The following SGCB variants were observed in gnomAD, a reference collection of about 807,000 sequenced individuals.
SGCB encodes beta-sarcoglycan.
Under a neutral mutation model 27.3 loss-of-function variants are expected in SGCB, and 25 were observed. The observed-to-expected ratio is 0.92, with a 90% CI of 0.67 to 1.28. The LOEUF (loss-of-function observed/expected upper bound fraction) is 1.28. Ranked by LOEUF, SGCB falls within the 50% of genes most tolerant of loss-of-function variation. The pLI is 0.00. For synonymous variants in SGCB, 147 were observed against 133.5 expected (o/e 1.10, Z -0.70); for missense variants, 436 against 402.1 (o/e 1.08, Z -0.72).
At chr4:52,038,181 G>A (rs1737450226) in intron 1 of SGCB, 46 bp downstream of exon 1, 2 of 1,194,876 alleles carry the variant, frequency 1.7e-6, no homozygotes, top group Non-Finnish European at 2.1e-6. Flanking sequence ...GCAGGACGCG[G>A]CCTCCCCCGC....
chr4:52,026,030 G>T (rs1737083716), intron 5 of SGCB, among the ~76,000 whole-genome samples: 1 of 152,134 alleles, frequency 6.6e-6, no homozygotes, highest in Non-Finnish European at 1.5e-5. Flanking sequence ...CAGAGGAGAG[G>T]TTAAAGCACA....
intron 4 of SGCB, 41 bp from the exon 5 acceptor site, chr4:52,028,140 T>G: frequency 6.7e-7 from 1 of 1,489,790 alleles, no homozygotes; most frequent in East Asian, 2.3e-5. Context: ...AGTTTCTAAA[T>G]TAATGTGAGA....
chr4:52,032,272 A>G (rs992199072), intron 2 of SGCB, among the ~76,000 whole-genome samples: 1 of 152,132 alleles, frequency 6.6e-6, no homozygotes, highest in Non-Finnish European at 1.5e-5. Context: ...TCTAATTCCC[A>G]AGGCTTTTTA....
In SGCB at chr4:52,029,717, C is replaced by G; in HGVS notation, c.390G>C (p.Arg130Ser). ...HPLYKSTVGG[R>S]RNENLVITGN... ...CAGTGATGACCAAATTTTCATTTCG[C>G]CTTCCTCCTACTGTGCTTTTATAAA... The change falls in exon 3 of 6, where the codon AGG becomes AGC. Residue 130 changes from arginine (R) to serine (S), a missense_variant. Coordinates refer to ENST00000381431, the MANE Select transcript of SGCB (RefSeq NM_000232.5). 2 of 1,613,844 alleles carry G rather than the reference C, an allele frequency of 1.2e-6. No homozygotes were observed. Among genetic ancestry groups the G allele is most frequent in the Non-Finnish European group, 1.7e-6 (2 of 1,179,828 alleles).
chr4:52,035,606 T>C (rs1224984287), intron 1 of SGCB, among the ~76,000 whole-genome samples: 1 of 152,154 alleles, frequency 6.6e-6, no homozygotes, highest in East Asian at 1.9e-4. Context: ...GTTAAAGGTG[T>C]GGGCATTTGT....
chr4:52,038,144 C>A, intron 1 of SGCB, 83 bp downstream of exon 1: 2 of 1,137,282 alleles, frequency 1.8e-6, no homozygotes, highest in South Asian at 4.2e-5. Flanking sequence ...CCCGCACCCC[C>A]GGCCAGGGCT....
chr4:52,029,518 C>T (rs1470951827), intron 3 of SGCB, among the ~76,000 whole-genome samples, 160 bp downstream of exon 3: 1 of 152,026 alleles, frequency 6.6e-6, no homozygotes, highest in Non-Finnish European at 1.5e-5. Context: ...ATGTTTTAAA[C>T]TGTATTCACT....
Position 52,028,739 on chromosome 4 carries a change from A to G in SGCB, c.612T>C (p.Ser204=), listed in dbSNP as rs780333664. ...AGCCAATAAATCATACCCTTTCAGT[A>G]GATGCCTTTTGAACATTCAAACTTT... ...GVKSLNVQKA[S]TERITSNATS... Residue 204 remains serine (S), a synonymous_variant, in exon 4 of 6, where the codon TCT becomes TCC. Coordinates refer to ENST00000381431, the MANE Select transcript of SGCB (RefSeq NM_000232.5). The G allele has an allele frequency of 6.2e-6, 10 of 1,607,782 alleles. No individual in the cohort carries two copies. The highest frequency in any genetic ancestry group is 1.3e-5 in the African/African-American group (1 of 74,822).
Position 52,033,486 on chromosome 4 carries a change from T to A in SGCB, c.188A>T (p.Asn63Ile). The A allele has an allele frequency of 6.2e-7, 1 of 1,613,940 alleles. No homozygotes were observed. Among genetic ancestry groups the A allele is most frequent in the Non-Finnish European group, 8.5e-7 (1 of 1,179,828 alleles). Residue 63 changes from asparagine (N) to isoleucine (I), a missense_variant, in exon 2 of 6, where the codon AAT becomes ATT. Transcript: ENST00000381431. ...GAGGATAATCACACAGATGGCTAAA[T>A]TGCCCTTTCTTCCTCTCAACCCTGT... The part of the protein sequence containing the change: ...HKTGLRGRKG[N>I]LAICVIILLF...
chr4:52,034,870 A>AG, intron 1 of SGCB, among the ~76,000 whole-genome samples: 1 of 152,310 alleles, frequency 6.6e-6, no homozygotes, highest in South Asian at 2.1e-4. Context: ...TAAAGGCTAC[A>AG]TGACCAATGT....
intron 3 of SGCB, 101 bp from the exon 4 acceptor site, chr4:52,029,022 A>C: frequency 2.4e-6 from 2 of 849,934 alleles, no homozygotes; most frequent in Non-Finnish European, 3.8e-6. Flanking sequence ...ACAGAAATTT[A>C]AAAACCCCAA....
intron 1 of SGCB, 102 bp from the exon 2 acceptor site, chr4:52,033,742 C>T: frequency 1.2e-6 from 1 of 866,080 alleles, no homozygotes. Flanking sequence ...GAATTGGTTA[C>T]TGACACATTT....
intron 3 of SGCB, among the ~76,000 whole-genome samples, chr4:52,029,395 A>G (rs1737189884): frequency 6.6e-6 from 1 of 152,200 alleles, no homozygotes; most frequent in Admixed American, 6.5e-5. Context: ...TCTCATACAA[A>G]TTACATCTGT....
chr4:52,026,407 C>T (rs954829688), intron 5 of SGCB, among the ~76,000 whole-genome samples: 4 of 151,462 alleles, frequency 2.6e-5, no homozygotes, highest in African/African-American at 9.7e-5. Context: ...TACAGGCGCC[C>T]GCCACCACGC....
chr4:52,036,895 T>C (rs528756762), intron 1 of SGCB, among the ~76,000 whole-genome samples: 1 of 152,326 alleles, frequency 6.6e-6, no homozygotes, highest in South Asian at 2.1e-4. Flanking sequence ...TGGATGGTTG[T>C]AGCCTTTTTA....
In SGCB at chr4:52,031,880, G is replaced by A. The variant is rs181196625; in HGVS notation, c.243+1551C>T. The A allele has an allele frequency of 1.4e-3, 631 of 455,964 alleles. 1 individual carries two copies. Among genetic ancestry groups the A allele is most frequent in the Middle Eastern group, 2.6e-3 (8 of 3,074 alleles). The allele number at this position is 455,964 out of a possible 1,614,324, so 28.2% of individuals were successfully genotyped here. On this transcript the variant is annotated intron_variant, in intron 2 of 5. Transcript: ENST00000381431. Reference sequence around the variant, plus strand: ...GCTTTTTCACCGGGACTTGCCAAATGACAGTATCTTCAGATCTTTTTTCTA... The same window carrying A: ...GCTTTTTCACCGGGACTTGCCAAATAACAGTATCTTCAGATCTTTTTTCTA...
intron 1 of SGCB, among the ~76,000 whole-genome samples, chr4:52,035,775 C>CA (rs1439212967): frequency 1.3e-5 from 2 of 151,886 alleles, no homozygotes; most frequent in Non-Finnish European, 2.9e-5. Context: ...AGTCAGGTTC[C>CA]AAAAAAGAAC....
chr4:52,038,153 C>G, intron 1 of SGCB, 74 bp downstream of exon 1: 1 of 1,093,046 alleles, frequency 9.1e-7, no homozygotes, highest in Non-Finnish European at 1.1e-6. Flanking sequence ...CCGGCCAGGG[C>G]TCCCGCGGGC....
rs1323018914 is a variant in SGCB at position 52,023,794 on chromosome 4, G to C, written c.*163C>G. On this transcript the variant is annotated 3_prime_UTR_variant, in exon 6 of 6. Coordinates refer to ENST00000381431, the MANE Select transcript of SGCB (RefSeq NM_000232.5). ...AATTAATAAAATGTATTAGAATTTA[G>C]GCTCTCTGAGAAGATTTTAACTATG... 8.1e-6 allele frequency: 5 copies of C among 614,448 alleles called. No homozygotes were observed. Among genetic ancestry groups the C allele is most frequent in the African/African-American group, 1.8e-5 (1 of 54,314 alleles). 38.1% of individuals were successfully genotyped at this position (614,448 alleles called of 1,614,324 possible). A position where few individuals can be genotyped will look rare whatever the true frequency, so the allele number is the denominator to read the frequency against.
Sources: gnomAD v4.1 joint callset for allele counts (sites outside exome capture counted in the v4.1 genomes callset) on GRCh38, gnomAD v4.1.1 for gene constraint, MANE v1.5 for transcripts, NCBI Gene and HGNC (gene_info 2026-07-23, HGNC 2026-07-21) for gene names.